TNNI3K: variants seen among roughly 807,000 people sequenced by gnomAD.
TNNI3K encodes the protein serine/threonine-protein kinase TNNI3K.
A neutral mutation model predicts 114.5 loss-of-function variants in TNNI3K; 140 were observed. That is an observed-to-expected ratio of 1.22 (90% confidence interval 1.07 to 1.41). The LOEUF (loss-of-function observed/expected upper bound fraction) is 1.41. Among genes scored for constraint, TNNI3K ranks in the 40% most tolerant of loss-of-function variants. The probability of loss-of-function intolerance (pLI) is 0.00; values close to 1 mark genes in which losing one functional copy is unlikely to be tolerated. For missense variants in TNNI3K, 1,125 were observed against 1,007.6 expected (o/e 1.12, Z -1.58); for synonymous variants, 347 against 347.5 (o/e 1.00, Z 0.02).
chr1:74,460,323 C>T (rs1318768599), intron 20 of TNNI3K, among the ~76,000 whole-genome samples: 1 of 152,108 alleles, frequency 6.6e-6, no homozygotes, highest in African/African-American at 2.4e-5. Context: ...GCCTCGGCCT[C>T]CCAAAGTGCT....
chr1:74,253,731 C>G (rs1000699793), intron 4 of TNNI3K, among the ~76,000 whole-genome samples: 33 of 152,120 alleles, frequency 2.2e-4, no homozygotes, highest in African/African-American at 7.7e-4. Flanking sequence ...GTGCCTCTCC[C>G]TCCACACCTC....
chr1:74,506,578 TG>T (rs1477530339), intron 23 of TNNI3K, among the ~76,000 whole-genome samples: 1 of 152,186 alleles, frequency 6.6e-6, no homozygotes, highest in Non-Finnish European at 1.5e-5. Flanking sequence ...ATTGGATGCT[TG>T]CTATTCAAGC....
chr1:74,386,329 A>C (rs1663477268), intron 17 of TNNI3K, among the ~76,000 whole-genome samples: 1 of 151,754 alleles, frequency 6.6e-6, no homozygotes, highest in South Asian at 2.1e-4. Flanking sequence ...TAACATCTGA[A>C]AAGAAAAAAA....
At chr1:74,291,920 A>G (rs1382945387) in intron 5 of TNNI3K, among the ~76,000 whole-genome samples, 1 of 151,510 alleles carries the variant, frequency 6.6e-6, no homozygotes, top group Non-Finnish European at 1.5e-5. Context: ...CCTTATTAAT[A>G]ATATACAATA....
chr1:74,493,096 A>G (rs274605), intron 23 of TNNI3K, among the ~76,000 whole-genome samples: 67,106 of 151,992 alleles, frequency 0.44, 16,624 homozygotes, highest in East Asian at 0.67. Context: ...ATTTAGTCAC[A>G]TGGGAGGCTA....
chr1:74,295,977 T>C (rs1657953419), intron 5 of TNNI3K, among the ~76,000 whole-genome samples: 1 of 152,132 alleles, frequency 6.6e-6, no homozygotes, highest in Non-Finnish European at 1.5e-5. Context: ...GTGCATTCTT[T>C]ACTCATTATA....
intron 5 of TNNI3K, among the ~76,000 whole-genome samples, chr1:74,322,146 G>T (rs1050084133): frequency 5.9e-5 from 9 of 152,128 alleles, no homozygotes; most frequent in Admixed American, 4.6e-4. Context: ...ATAGCTTTCA[G>T]TTCATTTGTT....
chr1:74,472,477 T>G (rs1021932082), intron 21 of TNNI3K, among the ~76,000 whole-genome samples: 1 of 152,142 alleles, frequency 6.6e-6, no homozygotes, highest in Non-Finnish European at 1.5e-5. Context: ...TCATATATCT[T>G]TAGTTGTTGG....
chr1:74,399,945 C>A (rs1469295830), intron 17 of TNNI3K, among the ~76,000 whole-genome samples: 1 of 152,226 alleles, frequency 6.6e-6, no homozygotes, highest in East Asian at 1.9e-4. Context: ...CACAAGCAAA[C>A]AAATATCTAT....
intron 17 of TNNI3K, among the ~76,000 whole-genome samples, chr1:74,381,380 A>G (rs1298881043): frequency 1.3e-5 from 2 of 152,200 alleles, no homozygotes; most frequent in African/African-American, 2.4e-5. Context: ...AAAATACATT[A>G]GCATTATTAG....
At chr1:74,381,206 A>G (rs185133935) in intron 17 of TNNI3K, among the ~76,000 whole-genome samples, 1 of 152,282 alleles carries the variant, frequency 6.6e-6, no homozygotes, top group Non-Finnish European at 1.5e-5. Context: ...GGAAGACCAC[A>G]GGAGAACTAA....
chr1:74,382,947 C>T (rs571266062), intron 17 of TNNI3K, among the ~76,000 whole-genome samples: 2 of 152,210 alleles, frequency 1.3e-5, no homozygotes, highest in East Asian at 3.9e-4. Flanking sequence ...GAATGGAGCA[C>T]ATTTTAATAA....
chr1:74,428,516 A>G (rs1190796392), intron 17 of TNNI3K, among the ~76,000 whole-genome samples: 1 of 152,110 alleles, frequency 6.6e-6, no homozygotes, highest in Non-Finnish European at 1.5e-5. Flanking sequence ...GAGTGCCCTG[A>G]TAAAATAACG....
intron 5 of TNNI3K, among the ~76,000 whole-genome samples, chr1:74,319,919 A>T (rs979504080): frequency 1.3e-5 from 2 of 152,230 alleles, no homozygotes; most frequent in Non-Finnish European, 2.9e-5. Context: ...TGACCATAGC[A>T]TAGCATAGCA....
At chr1:74,427,230 A>G (rs561393315) in intron 17 of TNNI3K, among the ~76,000 whole-genome samples, 2 of 151,994 alleles carry the variant, frequency 1.3e-5, no homozygotes, top group South Asian at 4.2e-4. Context: ...TTTTTAGTAT[A>G]TTCAAAACTG....
At chr1:74,349,263 T>C (rs2100462800) in intron 9 of TNNI3K, among the ~76,000 whole-genome samples, 1 of 152,352 alleles carries the variant, frequency 6.6e-6, no homozygotes, top group South Asian at 2.1e-4. Flanking sequence ...TCTTTGGTTC[T>C]GTTTATATGC....
intron 5 of TNNI3K, among the ~76,000 whole-genome samples, chr1:74,289,409 A>T (rs1657531234): frequency 6.6e-6 from 1 of 152,002 alleles, no homozygotes; most frequent in African/African-American, 2.4e-5. Context: ...AAGAAGTTTG[A>T]CCCTAACAAA....
At chr1:74,390,293 A>G (rs1438357039) in intron 17 of TNNI3K, among the ~76,000 whole-genome samples, 2 of 152,140 alleles carry the variant, frequency 1.3e-5, no homozygotes, top group Non-Finnish European at 2.9e-5. Context: ...GATCCTGAAA[A>G]TTAATTAGAC....
intron 20 of TNNI3K, among the ~76,000 whole-genome samples, chr1:74,454,474 G>A (rs1667150921): frequency 6.6e-6 from 1 of 152,070 alleles, no homozygotes; most frequent in Non-Finnish European, 1.5e-5. Flanking sequence ...TGTGATATTT[G>A]TTTTTCTGTG....
Sources: gnomAD v4.1 joint callset for allele counts (sites outside exome capture counted in the v4.1 genomes callset) on GRCh38, gnomAD v4.1.1 for gene constraint, MANE v1.5 for transcripts, NCBI Gene and HGNC (gene_info 2026-07-23, HGNC 2026-07-21) for gene names.